The following B3GALT1 variants were observed in gnomAD, a reference collection of about 807,000 sequenced individuals.
B3GALT1 encodes the protein beta-1,3-galactosyltransferase 1.
Under a neutral mutation model 23.2 loss-of-function variants are expected in B3GALT1, and 10 were observed. The observed-to-expected ratio is 0.43, with a 90% CI of 0.27 to 0.73. B3GALT1 has a LOEUF of 0.73. Ranked by LOEUF, B3GALT1 falls within the 30% of genes least tolerant of loss-of-function variation. The probability of loss-of-function intolerance (pLI) is 0.21; values close to 1 mark genes in which losing one functional copy is unlikely to be tolerated. For missense variants in B3GALT1, 299 were observed against 405.4 expected, an observed-to-expected ratio of 0.74 and a Z score of 2.25; for synonymous variants, 156 against 141.5, an observed-to-expected ratio of 1.10 and a Z score of -0.73.
chr2:167,396,532 A>ATGTGTG (rs1161281774), intron 1 of B3GALT1, among the ~76,000 whole-genome samples: 2 of 79,626 alleles, frequency 2.5e-5, no homozygotes, highest in African/African-American at 6.7e-5. Flanking sequence ...ATATATATAT[A>ATGTGTG]TATGTGTGTG....
chr2:167,300,639 A>G (rs1440249558), intron 1 of B3GALT1, among the ~76,000 whole-genome samples: 5 of 152,242 alleles, frequency 3.3e-5, no homozygotes, highest in Non-Finnish European at 5.9e-5. Flanking sequence ...AATAAAGCAC[A>G]GTATGAAATA....
intron 4 of B3GALT1, among the ~76,000 whole-genome samples, 195 bp from the exon 5 acceptor site, chr2:167,868,616 T>G (rs774946357): frequency 2.0e-5 from 3 of 152,244 alleles, no homozygotes; most frequent in South Asian, 2.1e-4. Context: ...GGTATTAATA[T>G]ACATACACAG....
At chr2:167,620,893 T>C (rs568680599) in intron 2 of B3GALT1, among the ~76,000 whole-genome samples, 10 of 152,192 alleles carry the variant, frequency 6.6e-5, no homozygotes, top group African/African-American at 2.2e-4. Context: ...ATATTAATAC[T>C]AATCAGCCTA....
chr2:167,682,914 A>G (rs1048800779), intron 3 of B3GALT1, among the ~76,000 whole-genome samples: 2 of 152,234 alleles, frequency 1.3e-5, no homozygotes. Flanking sequence ...GTTTTTGACA[A>G]CTGTCTGAAA....
intron 1 of B3GALT1, among the ~76,000 whole-genome samples, chr2:167,330,460 A>G (rs1488491491): frequency 6.6e-6 from 1 of 152,164 alleles, no homozygotes; most frequent in Non-Finnish European, 1.5e-5. Context: ...TATTTTAAAA[A>G]TTAGTTGGGC....
intron 2 of B3GALT1, among the ~76,000 whole-genome samples, chr2:167,600,244 C>T (rs1318542267): frequency 1.3e-5 from 2 of 152,152 alleles, no homozygotes; most frequent in African/African-American, 4.8e-5. Context: ...AGTCATCACC[C>T]CTCTTTTACA....
At chr2:167,306,034 A>T (rs572834167) in intron 1 of B3GALT1, among the ~76,000 whole-genome samples, 8 of 152,192 alleles carry the variant, frequency 5.3e-5, no homozygotes, top group Admixed American at 5.2e-4. Context: ...GTATGTGGGG[A>T]AAATAATTAT....
At chr2:167,336,815 T>C (rs910131511) in intron 1 of B3GALT1, among the ~76,000 whole-genome samples, 5 of 152,136 alleles carry the variant, frequency 3.3e-5, no homozygotes, top group South Asian at 2.1e-4. Context: ...ACTTTTACAG[T>C]TCTAAACATT....
At chr2:167,478,632 A>G (rs762330087) in intron 1 of B3GALT1, among the ~76,000 whole-genome samples, 2 of 151,584 alleles carry the variant, frequency 1.3e-5, no homozygotes, top group Non-Finnish European at 1.5e-5. Flanking sequence ...TTTGTTACAT[A>G]TGTATACATG....
At chr2:167,771,705 A>T (rs1381496809) in intron 3 of B3GALT1, among the ~76,000 whole-genome samples, 1 of 152,242 alleles carries the variant, frequency 6.6e-6, no homozygotes, top group East Asian at 1.9e-4. Flanking sequence ...ATGCATTTTT[A>T]ACATGAGAAG....
chr2:167,811,199 A>G (rs1173043546), intron 3 of B3GALT1, among the ~76,000 whole-genome samples: 1 of 152,206 alleles, frequency 6.6e-6, no homozygotes, highest in Non-Finnish European at 1.5e-5. Flanking sequence ...TGAGTGTCTG[A>G]CATTCAGATC....
At chr2:167,819,066 T>TGAAA (rs1285656831) in intron 4 of B3GALT1, among the ~76,000 whole-genome samples, 5 of 152,164 alleles carry the variant, frequency 3.3e-5, no homozygotes, top group African/African-American at 1.2e-4. Context: ...GCCTTTATTC[T>TGAAA]GAAAGATACA....
chr2:167,799,622 C>G (rs1688603174), intron 3 of B3GALT1, among the ~76,000 whole-genome samples: 1 of 152,102 alleles, frequency 6.6e-6, no homozygotes. Flanking sequence ...GGTGACTATC[C>G]AGCACATATA....
intron 2 of B3GALT1, among the ~76,000 whole-genome samples, chr2:167,638,166 TTTAG>T (rs1470328478): frequency 6.6e-6 from 1 of 152,056 alleles, no homozygotes; most frequent in Non-Finnish European, 1.5e-5. Context: ...CCCAATGAAT[TTTAG>T]TTAATCAATT....
chr2:167,695,142 G>A (rs1230357379), intron 3 of B3GALT1, among the ~76,000 whole-genome samples: 2 of 152,060 alleles, frequency 1.3e-5, no homozygotes, highest in Admixed American at 6.6e-5. Flanking sequence ...ATCCAAATCA[G>A]AAGTAAGTTT....
intron 1 of B3GALT1, among the ~76,000 whole-genome samples, chr2:167,329,472 A>G (rs961486024): frequency 2.0e-5 from 3 of 152,302 alleles, no homozygotes; most frequent in South Asian, 2.1e-4. Flanking sequence ...TGCAGTTGTT[A>G]GACAAAATGT....
rs1017902856 is a variant in B3GALT1 at position 167,433,495 on chromosome 2, G to C, written c.-510-56682G>C. Among the ~76,000 whole-genome samples the C allele has an allele frequency of 3.3e-5, 5 of 152,234 alleles. No individual in the cohort carries two copies. The East Asian group carries it at 9.7e-4, about 29-fold the overall frequency. On this transcript the variant is annotated intron_variant, in intron 1 of 4. Coordinates refer to ENST00000392690, the MANE Select transcript of B3GALT1 (RefSeq NM_020981.4). Reference sequence around the variant, plus strand: ...AAAGGAAGAAAATGTAGAATACATAGGATAAGAGTTGATAGGTTAAAAAGG... The same window carrying C: ...AAAGGAAGAAAATGTAGAATACATACGATAAGAGTTGATAGGTTAAAAAGG...
chr2:167,420,550 G>C (rs919305845), intron 1 of B3GALT1, among the ~76,000 whole-genome samples: 14 of 152,240 alleles, frequency 9.2e-5, no homozygotes, highest in African/African-American at 3.4e-4. Context: ...TTACACATGG[G>C]GCTAACCTCA....
intron 1 of B3GALT1, among the ~76,000 whole-genome samples, chr2:167,401,980 A>G (rs868700328): frequency 1.3e-5 from 2 of 152,186 alleles, no homozygotes; most frequent in Non-Finnish European, 2.9e-5. Flanking sequence ...GTTGTTGCCA[A>G]TAAATGGTTT....
Sources: allele counts gnomAD v4.1 joint callset (sites outside exome capture counted in the v4.1 genomes callset), GRCh38; gene constraint gnomAD v4.1.1; transcripts MANE v1.5; gene names NCBI Gene and HGNC (gene_info 2026-07-23, HGNC 2026-07-21).